The following NKAIN3 variants were observed in gnomAD, a reference collection of about 807,000 sequenced individuals.
The protein encoded by NKAIN3 is sodium/potassium-transporting ATPase subunit beta-1-interacting protein 3.
A neutral mutation model predicts 30.2 loss-of-function variants in NKAIN3; 25 were observed. The observed-to-expected ratio is 0.83, with a 90% CI of 0.60 to 1.16. NKAIN3 has a LOEUF of 1.16. NKAIN3 is among the 50% of genes most tolerant of loss of function. The probability of loss-of-function intolerance (pLI) is 0.00; values close to 1 mark genes in which losing one functional copy is unlikely to be tolerated. For synonymous variants in NKAIN3, 91 were observed against 89.6 expected, an observed-to-expected ratio of 1.02 and a Z score of -0.09; for missense variants, 225 against 254.1, an observed-to-expected ratio of 0.89 and a Z score of 0.78.
At chr8:62,409,594 TTTCCA>T (rs1804177105) in intron 1 of NKAIN3, among the ~76,000 whole-genome samples, 1 of 152,150 alleles carries the variant, frequency 6.6e-6, no homozygotes, top group South Asian at 2.1e-4. Context: ...TTAGAAAGTT[TTTCCA>T]TTCCCCAAGA....
intron 3 of NKAIN3, among the ~76,000 whole-genome samples, chr8:62,663,096 C>T (rs575431641): frequency 7.2e-5 from 11 of 152,026 alleles, no homozygotes; most frequent in Admixed American, 3.9e-4. Flanking sequence ...CATGGGAAGG[C>T]GTAAGAAAGG....
At chr8:62,747,193 C>T in intron 4 of NKAIN3, 64 bp downstream of exon 4, 1 of 1,048,784 alleles carries the variant, frequency 9.5e-7, no homozygotes, top group Non-Finnish European at 1.4e-6. Context: ...TTTTTCTCCA[C>T]ATCTACCTGA....
Position 62,274,964 on chromosome 8 carries a change from A to G in NKAIN3, c.54+25837A>G, listed in dbSNP as rs1336323416. On this transcript the variant is annotated intron_variant, in intron 1 of 6. Transcript: ENST00000623646. The stretch of plus-strand genomic sequence containing the variant: ...GGCTGCATAGTATTCCATGGTATAT[A>G]TGTGCCACATTTTCTTAATCCAGTC... Among the ~76,000 whole-genome samples, 10 of 152,160 alleles carry G rather than the reference A, an allele frequency of 6.6e-5. No individual in the cohort carries two copies. In the East Asian group the frequency reaches 1.9e-3, roughly 29 times the overall value.
At chr8:62,559,378 T>C (rs933574243) in intron 1 of NKAIN3, among the ~76,000 whole-genome samples, 2 of 152,080 alleles carry the variant, frequency 1.3e-5, no homozygotes, top group African/African-American at 4.8e-5. Context: ...CTGACAATTG[T>C]TTTATTGATT....
chr8:62,944,451 G>T (rs537198982), intron 5 of NKAIN3, among the ~76,000 whole-genome samples: 1 of 152,124 alleles, frequency 6.6e-6, no homozygotes. Context: ...TTTTTATTGG[G>T]CTTTCTTTGA....
At position 62,505,294 on chromosome 8, in the gene NKAIN3, C is replaced by T. The variant is rs759200537; in HGVS notation, c.55-74245C>T. Among the ~76,000 whole-genome samples, 3 of 152,224 alleles carry T rather than the reference C, an allele frequency of 2.0e-5. 1 individual carries two copies. Among genetic ancestry groups the T allele is most frequent in the African/African-American group, 7.2e-5 (3 of 41,558 alleles). On this transcript the variant is annotated intron_variant, in intron 1 of 6. Transcript: ENST00000623646. ...TTTAGCCCTAGGTATTGAAAAGCAA[C>T]TAACAAGACTGTTCTGGCTCCTACT...
At position 62,984,446 on chromosome 8, in the gene NKAIN3, A is replaced by G. The variant is rs555691334; in HGVS notation, c.*19039A>G. On this transcript the variant is annotated 3_prime_UTR_variant, in exon 7 of 7. Coordinates refer to ENST00000623646, the MANE Select transcript of NKAIN3 (RefSeq NM_001304533.3). Reference sequence around the variant, plus strand: ...ATTCTTAGATTGCTTGCCAGCAAAGATGTCTCTTGATCTTGACACTGGAAT... The same window carrying G: ...ATTCTTAGATTGCTTGCCAGCAAAGGTGTCTCTTGATCTTGACACTGGAAT... 7.9e-5 allele frequency: 12 copies of G among 152,276 alleles called. No individual in the cohort carries two copies. The highest frequency in any genetic ancestry group is 7.7e-4 in the East Asian group (4 of 5,180). The allele number at this position is 152,276 out of a possible 1,614,324, so 9.4% of individuals were successfully genotyped here. A position where few individuals can be genotyped will look rare whatever the true frequency, so the allele number is the denominator to read the frequency against.
At chr8:62,313,770 AACAGC>A (rs1191626584) in intron 1 of NKAIN3, among the ~76,000 whole-genome samples, 4 of 152,330 alleles carry the variant, frequency 2.6e-5, no homozygotes, top group Admixed American at 2.6e-4. Flanking sequence ...AAAGAAGACA[AACAGC>A]ACAACTGTTC....
chr8:62,758,053 G>A (rs771722280), intron 4 of NKAIN3, among the ~76,000 whole-genome samples: 3 of 152,128 alleles, frequency 2.0e-5, no homozygotes, highest in African/African-American at 4.8e-5. Flanking sequence ...AATACCTGTC[G>A]CAGAAATTCA....
At chr8:62,933,195 TA>T (rs1446744621) in intron 5 of NKAIN3, among the ~76,000 whole-genome samples, 10 of 152,146 alleles carry the variant, frequency 6.6e-5, no homozygotes, top group Admixed American at 2.0e-4. Flanking sequence ...AAAGGATTTA[TA>T]AAAGAGATCT....
chr8:62,700,177 G>A (rs1489789717), intron 3 of NKAIN3, among the ~76,000 whole-genome samples: 1 of 152,150 alleles, frequency 6.6e-6, no homozygotes, highest in African/African-American at 2.4e-5. Flanking sequence ...ATGACTTTAG[G>A]TAGTTTAGGT....
At chr8:62,942,852 T>C (rs973922182) in intron 5 of NKAIN3, among the ~76,000 whole-genome samples, 2 of 151,966 alleles carry the variant, frequency 1.3e-5, no homozygotes, top group Admixed American at 1.3e-4. Flanking sequence ...AACTGGATCC[T>C]CATCTTTCGC....
intron 1 of NKAIN3, among the ~76,000 whole-genome samples, chr8:62,535,027 G>T (rs1431987264): frequency 1.3e-5 from 2 of 152,094 alleles, no homozygotes; most frequent in Non-Finnish European, 2.9e-5. Context: ...GCTTTTTTAT[G>T]AGCATTATTT....
intron 1 of NKAIN3, among the ~76,000 whole-genome samples, chr8:62,404,149 C>A (rs150929085): frequency 2.3e-3 from 357 of 152,340 alleles, no homozygotes; most frequent in Non-Finnish European, 3.7e-3. Flanking sequence ...TACCCAATGC[C>A]TGTAACCTCA....
At chr8:62,733,187 C>T (rs1414495400) in intron 3 of NKAIN3, among the ~76,000 whole-genome samples, 10 of 152,252 alleles carry the variant, frequency 6.6e-5, no homozygotes. Context: ...ACTAAAACCT[C>T]ACCTTCCTTC....
chr8:62,383,183 C>T (rs764297293), intron 1 of NKAIN3, among the ~76,000 whole-genome samples: 1 of 152,072 alleles, frequency 6.6e-6, no homozygotes, highest in Non-Finnish European at 1.5e-5. Context: ...AAAGGCAGTC[C>T]CCTACTGGCA....
chr8:62,813,560 C>G (rs1818563393), intron 4 of NKAIN3, among the ~76,000 whole-genome samples: 2 of 151,212 alleles, frequency 1.3e-5, no homozygotes, highest in Middle Eastern at 3.4e-3. Context: ...GGAATTTAAT[C>G]CATTTACATC....
chr8:62,359,383 T>C lies in NKAIN3; in HGVS notation c.54+110256T>C, dbSNP rs148643696. 1.8e-3 allele frequency among the ~76,000 whole-genome samples: 269 copies of C among 152,294 alleles called. 2 individuals are homozygous for C. Among genetic ancestry groups the C allele is most frequent in the Middle Eastern group, 0.01 (3 of 294 alleles). On this transcript the variant is annotated intron_variant, in intron 1 of 6. Transcript: ENST00000623646. Reference sequence around the variant, plus strand: ...CCTTTTGTTAACTGATAAGGAGCTATTGGGGCTTGTAGCTTATATGTGATG... The same window carrying C: ...CCTTTTGTTAACTGATAAGGAGCTACTGGGGCTTGTAGCTTATATGTGATG...
chr8:62,332,214 T>C (rs1016141731), intron 1 of NKAIN3, among the ~76,000 whole-genome samples: 1 of 152,134 alleles, frequency 6.6e-6, no homozygotes, highest in Non-Finnish European at 1.5e-5. Flanking sequence ...TGTTTCTGCT[T>C]AACGGACTTC....
Sources: gnomAD v4.1 joint callset for allele counts (sites outside exome capture counted in the v4.1 genomes callset) on GRCh38, gnomAD v4.1.1 for gene constraint, MANE v1.5 for transcripts, NCBI Gene and HGNC (gene_info 2026-07-23, HGNC 2026-07-21) for gene names.